Variants in IL1RAPL1 observed in about 807,000 individuals in gnomAD.
IL1RAPL1 encodes the protein interleukin 1 receptor accessory protein like 1, also known as interleukin-1 receptor accessory protein-like 1.
A neutral mutation model predicts 48.4 loss-of-function variants in IL1RAPL1; 3 were observed. The ratio of observed to expected loss-of-function variants is 0.06; its 90% CI spans 0.03 to 0.16. IL1RAPL1 has a LOEUF of 0.16. Ranked by LOEUF, IL1RAPL1 falls within the 10% of genes least tolerant of loss-of-function variation. The pLI is 1.00. For missense variants in IL1RAPL1, 349 were observed against 530.6 expected, an observed-to-expected ratio of 0.66 and a Z score of 3.36; for synonymous variants, 185 against 187.7, an observed-to-expected ratio of 0.99 and a Z score of 0.12.
rs931224514 is a variant in IL1RAPL1 at position 28,757,772 on chromosome X, C to T, written c.-24-31548C>T. On this transcript the variant is annotated intron_variant, in intron 1 of 10. Coordinates refer to ENST00000378993, the MANE Select transcript of IL1RAPL1 (RefSeq NM_014271.4). ...GAAAACTCAACTCAACACATGTGCT[C>T]TGCTTTATAGCTTATTTACTCTTTA... 4.5e-5 allele frequency among the ~76,000 whole-genome samples: 5 copies of T among 112,211 alleles called. No homozygotes were observed. The East Asian group carries it at 1.1e-3, about 25-fold the overall frequency.
Position 29,240,193 on chromosome X carries a change from CACATATAT to C in IL1RAPL1, c.83-42743_83-42736del, listed in dbSNP as rs1293079608. 7.0e-3 allele frequency among the ~76,000 whole-genome samples: 256 copies of C among 36,611 alleles called. 5 individuals carry two copies. Among genetic ancestry groups the C allele is most frequent in the Non-Finnish European group, 8.9e-3 (196 of 22,113 alleles). 31.8% of individuals were successfully genotyped at this position (36,611 alleles called of 115,157 possible). On this transcript the variant is annotated intron_variant, in intron 2 of 10. Transcript: ENST00000378993. ...ATAGTAGTATATAGGTACACACACA[CACATATAT>C]ATATATATATATATATATATATATT...
At chrX:29,186,150 CACAT>C (rs992074587) in intron 2 of IL1RAPL1, among the ~76,000 whole-genome samples, 22 of 111,643 alleles carry the variant, frequency 2.0e-4, no homozygotes, top group African/African-American at 6.5e-4. Context: ...AAAATTATGA[CACAT>C]ACAAAATATA....
chrX:29,227,515 GCTA>G (rs1424803484), intron 2 of IL1RAPL1, among the ~76,000 whole-genome samples: 2 of 111,630 alleles, frequency 1.8e-5, no homozygotes, highest in Non-Finnish European at 3.8e-5. Flanking sequence ...AACACATAGA[GCTA>G]CTTCTTTGAT....
At chrX:29,124,401 C>T (rs1457534377) in intron 2 of IL1RAPL1, among the ~76,000 whole-genome samples, 1 of 112,131 alleles carries the variant, frequency 8.9e-6, no homozygotes, top group Non-Finnish European at 1.9e-5. Context: ...TTAGGATTCC[C>T]TATGGAAAAG....
At chrX:28,829,314 T>A (rs1401803820) in intron 2 of IL1RAPL1, among the ~76,000 whole-genome samples, 1 of 111,151 alleles carries the variant, frequency 9.0e-6, no homozygotes, top group Non-Finnish European at 1.9e-5. Context: ...TTTTTCTTCT[T>A]TTCCATTATA....
At chrX:29,899,828 G>A (rs1346110459) in intron 6 of IL1RAPL1, among the ~76,000 whole-genome samples, 1 of 111,705 alleles carries the variant, frequency 9.0e-6, no homozygotes, top group Non-Finnish European at 1.9e-5. Flanking sequence ...ACAGGCGTGA[G>A]CCACCACACC....
At chrX:29,952,467 GA>G (rs1415232357) in intron 9 of IL1RAPL1, among the ~76,000 whole-genome samples, 2 of 111,941 alleles carry the variant, frequency 1.8e-5, no homozygotes, top group Non-Finnish European at 3.8e-5. Flanking sequence ...TGCTAGGCTA[GA>G]AACTAATGAC....
At chrX:29,724,097 G>A (rs1042265471) in intron 6 of IL1RAPL1, among the ~76,000 whole-genome samples, 2 of 111,931 alleles carry the variant, frequency 1.8e-5, no homozygotes, top group Non-Finnish European at 3.8e-5. Context: ...TTACAGGCGT[G>A]AGCCACCATG....
intron 5 of IL1RAPL1, among the ~76,000 whole-genome samples, chrX:29,617,198 T>C (rs971887477): frequency 5.4e-5 from 6 of 112,134 alleles, no homozygotes; most frequent in Non-Finnish European, 1.1e-4. Flanking sequence ...CCTATTAGCC[T>C]AAAGGTGCCC....
intron 1 of IL1RAPL1, among the ~76,000 whole-genome samples, chrX:28,760,285 A>G (rs1936153521): frequency 8.9e-6 from 1 of 112,148 alleles, no homozygotes; most frequent in African/African-American, 3.2e-5. Flanking sequence ...CTGGCATATG[A>G]ACTCTTAGGT....
At chrX:28,865,991 G>A (rs1922068838) in intron 2 of IL1RAPL1, among the ~76,000 whole-genome samples, 1 of 111,928 alleles carries the variant, frequency 8.9e-6, no homozygotes, top group African/African-American at 3.2e-5. Context: ...GAAACAAAGA[G>A]TATAAACAAA....
At chrX:29,476,869 A>ATTTTTTTTTTTT (rs1934980303) in intron 5 of IL1RAPL1, among the ~76,000 whole-genome samples, 3 of 49,337 alleles carry the variant, frequency 6.1e-5, no homozygotes, top group Non-Finnish European at 9.8e-5. Context: ...TTTTACCCAT[A>ATTTTTTTTTTTT]TTCTTTTTTT....
chrX:29,081,010 C>CTTT lies in IL1RAPL1; in HGVS notation c.83-201927_83-201926insTTT, dbSNP rs1927814770. On this transcript the variant is annotated intron_variant, in intron 2 of 10. Coordinates refer to ENST00000378993, the MANE Select transcript of IL1RAPL1 (RefSeq NM_014271.4). Reference sequence around the variant, plus strand: ...TTTCTTTCTTTCTCTCTCTCTCTCTCTCTCTCTCTCTTTCTTTTCTTTTCT... The same window carrying CTTT: ...TTTCTTTCTTTCTCTCTCTCTCTCTCTTTTCTCTCTCTCTTTCTTTTCTTTTCT... Among the ~76,000 whole-genome samples the CTTT allele has an allele frequency of 2.4e-4, 16 of 67,722 alleles. No individual in the cohort carries two copies. In the East Asian group the frequency reaches 2.5e-3, roughly 10 times the overall value. The allele number at this position is 67,722 out of a possible 115,157, so 58.8% of individuals were successfully genotyped here.
At chrX:29,073,669 G>A (rs139425955) in intron 2 of IL1RAPL1, among the ~76,000 whole-genome samples, 1,249 of 111,774 alleles carry the variant, frequency 0.011, 8 homozygotes, top group Non-Finnish European at 0.017. Context: ...GGGTGAACCT[G>A]ACTCACTCCA....
chrX:29,307,004 G>T (rs151311514), intron 3 of IL1RAPL1, among the ~76,000 whole-genome samples: 3 of 110,304 alleles, frequency 2.7e-5, no homozygotes, highest in Non-Finnish European at 5.7e-5. Context: ...GCCCTTTACC[G>T]TCTCTCCTGT....
At chrX:28,937,236 C>T (rs940850599) in intron 2 of IL1RAPL1, among the ~76,000 whole-genome samples, 7 of 111,436 alleles carry the variant, frequency 6.3e-5, no homozygotes, top group African/African-American at 2.3e-4. Context: ...GGTCCCCTTT[C>T]ACCCATGAAA....
intron 5 of IL1RAPL1, among the ~76,000 whole-genome samples, chrX:29,403,409 T>C (rs1934018893): frequency 9.1e-6 from 1 of 110,307 alleles, no homozygotes; most frequent in East Asian, 2.8e-4. Flanking sequence ...TTTAAGATGC[T>C]CTAAGCTCAT....
chrX:29,693,665 C>T (rs1201714373), intron 6 of IL1RAPL1, among the ~76,000 whole-genome samples: 1 of 112,128 alleles, frequency 8.9e-6, no homozygotes, highest in Non-Finnish European at 1.9e-5. Context: ...TGAAAGTGAG[C>T]AGTGTCATGT....
chrX:28,828,541 C>T (rs1457500569), intron 2 of IL1RAPL1, among the ~76,000 whole-genome samples: 2 of 111,746 alleles, frequency 1.8e-5, no homozygotes, highest in African/African-American at 6.5e-5. Context: ...TATCAAAAAT[C>T]AGTTGACTGG....
Sources: gnomAD v4.1 joint callset for allele counts (sites outside exome capture counted in the v4.1 genomes callset) on GRCh38, gnomAD v4.1.1 for gene constraint, MANE v1.5 for transcripts, NCBI Gene and HGNC (gene_info 2026-07-23, HGNC 2026-07-21) for gene names.